CNTNAP5: variants seen among roughly 807,000 people sequenced by gnomAD.
CNTNAP5 encodes contactin associated protein family member 5, also known as contactin-associated protein-like 5.
In CNTNAP5, 72 loss-of-function variants were observed where a neutral mutation model predicts 150.2. That is an observed-to-expected ratio of 0.48 (90% CI 0.40 to 0.58). The LOEUF is 0.58. CNTNAP5 is among the 20% of genes least tolerant of loss of function. The pLI, the probability that CNTNAP5 is intolerant of heterozygous loss-of-function variation, is 0.00. For synonymous variants in CNTNAP5, 672 were observed against 619.8 expected (o/e 1.08, Z -1.25); for missense variants, 1,636 against 1,626.2 (o/e 1.01, Z -0.10).
intron 13 of CNTNAP5, among the ~76,000 whole-genome samples, chr2:124,667,519 G>A (rs1023830053): frequency 4.6e-5 from 7 of 152,210 alleles, no homozygotes; most frequent in African/African-American, 1.4e-4. Context: ...TCATTCATCA[G>A]TACCGTTGGG....
intron 11 of CNTNAP5, among the ~76,000 whole-genome samples, chr2:124,588,648 C>T (rs1696609704): frequency 6.6e-6 from 1 of 152,046 alleles, no homozygotes; most frequent in Non-Finnish European, 1.5e-5. Flanking sequence ...TTATGTAAAT[C>T]TCATAGATTA....
intron 3 of CNTNAP5, among the ~76,000 whole-genome samples, chr2:124,283,845 A>G (rs1008226269): frequency 7.2e-5 from 11 of 152,244 alleles, no homozygotes; most frequent in South Asian, 2.1e-4. Context: ...GAGATTTTTT[A>G]TAAGGGCACT....
intron 1 of CNTNAP5, among the ~76,000 whole-genome samples, chr2:124,028,267 T>C (rs1680951614): frequency 6.6e-6 from 1 of 151,142 alleles, no homozygotes; most frequent in Non-Finnish European, 1.5e-5. Flanking sequence ...CTTATAATAA[T>C]ATGTTGTTGG....
At chr2:124,094,307 T>C (rs1316954455) in intron 1 of CNTNAP5, among the ~76,000 whole-genome samples, 1 of 152,222 alleles carries the variant, frequency 6.6e-6, no homozygotes, top group Non-Finnish European at 1.5e-5. Context: ...CTGCTCCTTT[T>C]CCAAAATTAT....
At chr2:124,833,968 A>G (rs72848759) in intron 19 of CNTNAP5, among the ~76,000 whole-genome samples, 18,283 of 152,246 alleles carry the variant, frequency 0.12, 1,289 homozygotes, top group Non-Finnish European at 0.16. Flanking sequence ...TTACTCTGGC[A>G]TGCAGAAATG....
intron 1 of CNTNAP5, among the ~76,000 whole-genome samples, chr2:124,147,094 G>T (rs1220790221): frequency 6.6e-6 from 1 of 152,214 alleles, no homozygotes; most frequent in African/African-American, 2.4e-5. Flanking sequence ...GGAAAAATGT[G>T]CAGGATACAG....
rs955606927 is a variant in CNTNAP5 at position 124,850,832 on chromosome 2, A to G, written c.3218-14474A>G. On this transcript the variant is annotated intron_variant, in intron 19 of 23. Transcript: ENST00000682447. Reference sequence around the variant, plus strand: ...TTTAGAAAGAAAAGAATGTGACTGTATTGAATACTAATAAAAATAAGATAC... The same window carrying G: ...TTTAGAAAGAAAAGAATGTGACTGTGTTGAATACTAATAAAAATAAGATAC... 1.1e-3 allele frequency among the ~76,000 whole-genome samples: 171 copies of G among 152,334 alleles called. 1 individual carries two copies. Among genetic ancestry groups the G allele is most frequent in the African/African-American group, 3.8e-3 (160 of 41,586 alleles).
rs565904417 is a variant in CNTNAP5 at position 124,588,475 on chromosome 2, G to T, written c.1757-21326G>T. Among the ~76,000 whole-genome samples, 30 of 151,996 alleles carry T rather than the reference G, an allele frequency of 2.0e-4. No homozygotes were observed. In the South Asian group the frequency reaches 6.0e-3, roughly 31 times the overall value. ...ACTCAGGGAACCAATACTTTAGAAG[G>T]TGTGTGTGCCCACTGAGAAGGTTCA... On this transcript the variant is annotated intron_variant, in intron 11 of 23. Coordinates refer to ENST00000682447, the MANE Select transcript of CNTNAP5 (RefSeq NM_001367498.1).
At chr2:124,720,746 A>T (rs1680032485) in intron 13 of CNTNAP5, among the ~76,000 whole-genome samples, 1 of 152,222 alleles carries the variant, frequency 6.6e-6, no homozygotes, top group Non-Finnish European at 1.5e-5. Context: ...GCTATAGCAA[A>T]GACAGTTGTA....
intron 21 of CNTNAP5, among the ~76,000 whole-genome samples, chr2:124,901,547 A>G (rs1342873592): frequency 1.3e-5 from 2 of 152,186 alleles, no homozygotes; most frequent in Non-Finnish European, 2.9e-5. Context: ...AAAGGCAAGG[A>G]AATATAATAT....
At chr2:124,521,572 A>G (rs1447067008) in intron 8 of CNTNAP5, among the ~76,000 whole-genome samples, 1 of 152,034 alleles carries the variant, frequency 6.6e-6, no homozygotes, top group African/African-American at 2.4e-5. Context: ...CATGATAGAT[A>G]CCTAATTCGA....
At chr2:124,750,145 T>C (rs1680694413) in intron 14 of CNTNAP5, among the ~76,000 whole-genome samples, 1 of 152,192 alleles carries the variant, frequency 6.6e-6, no homozygotes. Context: ...AGCCAGGGAC[T>C]ATTTTCCATC....
At chr2:124,264,654 TG>T (rs1687557519) in intron 3 of CNTNAP5, among the ~76,000 whole-genome samples, 3 of 151,824 alleles carry the variant, frequency 2.0e-5, no homozygotes, top group Non-Finnish European at 2.9e-5. Context: ...TCATGTGGGG[TG>T]GGATGGAATG....
rs1023218548 is a variant in CNTNAP5 at position 124,757,133 on chromosome 2, A to G, written c.2235-6539A>G. Reference sequence around the variant, plus strand: ...GTCTGAAAGTTTATTCTTAAAATTCACCATGTAACTGATGGATCTGCCCTG... The same window carrying G: ...GTCTGAAAGTTTATTCTTAAAATTCGCCATGTAACTGATGGATCTGCCCTG... On this transcript the variant is annotated intron_variant, in intron 14 of 23. Coordinates refer to ENST00000682447, the MANE Select transcript of CNTNAP5 (RefSeq NM_001367498.1). Among the ~76,000 whole-genome samples, 4 of 152,118 alleles carry G rather than the reference A, an allele frequency of 2.6e-5. No homozygotes were observed. The East Asian group carries it at 7.7e-4, about 29-fold the overall frequency.
At chr2:124,747,971 C>G (rs1680645530) in intron 14 of CNTNAP5, among the ~76,000 whole-genome samples, 2 of 151,522 alleles carry the variant, frequency 1.3e-5, no homozygotes, top group African/African-American at 4.9e-5. Context: ...CTTCCCATTT[C>G]AAACAAGGAA....
At chr2:124,535,895 G>A (rs537753960) in intron 10 of CNTNAP5, among the ~76,000 whole-genome samples, 1 of 152,292 alleles carries the variant, frequency 6.6e-6, no homozygotes, top group African/African-American at 2.4e-5. Flanking sequence ...CTGAAAGTTG[G>A]CAAGCATTAT....
chr2:124,025,989 C>T (rs1452440603), intron 1 of CNTNAP5, among the ~76,000 whole-genome samples: 2 of 152,174 alleles, frequency 1.3e-5, no homozygotes, highest in South Asian at 2.1e-4. Flanking sequence ...CTTCCCTTAA[C>T]CTCCTGCTAG....
At chr2:124,123,175 A>G (rs1317827374) in intron 1 of CNTNAP5, among the ~76,000 whole-genome samples, 1 of 152,148 alleles carries the variant, frequency 6.6e-6, no homozygotes, top group Non-Finnish European at 1.5e-5. Context: ...GACAGACAGT[A>G]CCTGGAAAAT....
intron 1 of CNTNAP5, among the ~76,000 whole-genome samples, chr2:124,100,772 C>T (rs1426034377): frequency 6.8e-6 from 1 of 146,748 alleles, no homozygotes; most frequent in Non-Finnish European, 1.5e-5. Flanking sequence ...GGCTGAGGCA[C>T]TAGAATCATT....
Sources: gnomAD v4.1 joint callset for allele counts (sites outside exome capture counted in the v4.1 genomes callset) on GRCh38, gnomAD v4.1.1 for gene constraint, MANE v1.5 for transcripts, NCBI Gene and HGNC (gene_info 2026-07-23, HGNC 2026-07-21) for gene names.